The following RBM20 variants were observed in gnomAD, a reference collection of about 807,000 sequenced individuals.
RBM20 encodes RNA binding motif protein 20, also known as RNA-binding protein 20.
RBM20 carries 51 observed loss-of-function variants against 110.1 expected under a neutral mutation model. The observed-to-expected ratio is 0.46, with a 90% CI of 0.37 to 0.59. RBM20 has a LOEUF of 0.59. Among genes scored for constraint, RBM20 ranks in the 20% least tolerant of loss-of-function variants. The pLI, the probability that RBM20 is intolerant of heterozygous loss-of-function variation, is 0.00. For missense variants in RBM20, 1,512 were observed against 1,574.9 expected (o/e 0.96, Z 0.68); for synonymous variants, 589 against 618.2 (o/e 0.95, Z 0.70).
chr10:110,783,342 C>A, intron 2 of RBM20, 24 bp from the exon 3 acceptor site: 2 of 1,543,580 alleles, frequency 1.3e-6, no homozygotes, highest in South Asian at 2.4e-5. Flanking sequence ...CTACTTTGGT[C>A]ACTTTTCTTT....
intron 1 of RBM20, among the ~76,000 whole-genome samples, chr10:110,723,864 G>A (rs770852356): frequency 3.9e-5 from 6 of 152,128 alleles, no homozygotes; most frequent in Non-Finnish European, 7.3e-5. Context: ...GAATTATTGT[G>A]ATTTTCAGTT....
chr10:110,674,821 C>T (rs571229997), intron 1 of RBM20, among the ~76,000 whole-genome samples: 47 of 152,326 alleles, frequency 3.1e-4, no homozygotes, highest in African/African-American at 1.1e-3. Flanking sequence ...CTTCAGAATT[C>T]TCCCACCGGA....
At chr10:110,798,313 C>T (rs987392915) in intron 6 of RBM20, among the ~76,000 whole-genome samples, 3 of 152,112 alleles carry the variant, frequency 2.0e-5, no homozygotes, top group Admixed American at 6.5e-5. Flanking sequence ...CTTTATGAAT[C>T]GGAGGAACAG....
At chr10:110,835,771 C>A in intron 13 of RBM20, 97 bp from the exon 14 acceptor site, 1 of 1,259,564 alleles carries the variant, frequency 7.9e-7, no homozygotes, top group Non-Finnish European at 1.1e-6. Context: ...GGCACAGATG[C>A]CAGGAGAGGG....
intron 13 of RBM20, among the ~76,000 whole-genome samples, chr10:110,835,021 C>T (rs913181343): frequency 4.6e-5 from 7 of 152,214 alleles, no homozygotes; most frequent in Non-Finnish European, 7.3e-5. Flanking sequence ...AGGCTCCCCA[C>T]CCACTAGCCT....
At chr10:110,755,301 C>G (rs1564835964) in intron 1 of RBM20, among the ~76,000 whole-genome samples, 1 of 152,190 alleles carries the variant, frequency 6.6e-6, no homozygotes, top group Admixed American at 6.5e-5. Flanking sequence ...ATCCTTACCC[C>G]TTTGATGTCT....
chr10:110,657,075 G>T (rs1412851595), intron 1 of RBM20, among the ~76,000 whole-genome samples: 2 of 150,696 alleles, frequency 1.3e-5, no homozygotes, highest in African/African-American at 4.9e-5. Flanking sequence ...GGAGTGCATT[G>T]GCGTGATCTC....
chr10:110,708,100 A>G lies in RBM20; in HGVS notation c.191+63455A>G, dbSNP rs552005637. Reference sequence around the variant, plus strand: ...AAAGGTTGGATGAATGAGCATTGGCAGGGCTAGCTTCACTGGCAGGTGATC... The same window carrying G: ...AAAGGTTGGATGAATGAGCATTGGCGGGGCTAGCTTCACTGGCAGGTGATC... On this transcript the variant is annotated intron_variant, in intron 1 of 13. Transcript: ENST00000369519. Among the ~76,000 whole-genome samples, 122 of 152,358 alleles carry G rather than the reference A, an allele frequency of 8.0e-4. No homozygotes were observed. In the South Asian group the frequency reaches 9.9e-3, roughly 12 times the overall value.
chr10:110,745,389 A>G (rs1445609327), intron 1 of RBM20, among the ~76,000 whole-genome samples: 8 of 152,140 alleles, frequency 5.3e-5, no homozygotes, highest in Non-Finnish European at 1.0e-4. Flanking sequence ...GAGGGATGCC[A>G]GGGTGGTTCT....
chr10:110,776,507 C>G (rs896865666), intron 1 of RBM20, among the ~76,000 whole-genome samples: 1 of 152,160 alleles, frequency 6.6e-6, no homozygotes, highest in Non-Finnish European at 1.5e-5. Flanking sequence ...AAGAGGCTTC[C>G]TGCATTTCTT....
At chr10:110,687,530 C>T (rs1258534311) in intron 1 of RBM20, among the ~76,000 whole-genome samples, 1 of 152,216 alleles carries the variant, frequency 6.6e-6, no homozygotes. Flanking sequence ...CAAAAAATGT[C>T]TGGGTATTAA....
chr10:110,694,542 A>G (rs1481337519), intron 1 of RBM20, among the ~76,000 whole-genome samples: 2 of 152,226 alleles, frequency 1.3e-5, no homozygotes, highest in African/African-American at 2.4e-5. Flanking sequence ...AAGAAAATAT[A>G]GCAAAATGGG....
chr10:110,720,042 C>T (rs749764647), intron 1 of RBM20, among the ~76,000 whole-genome samples: 3 of 151,964 alleles, frequency 2.0e-5, no homozygotes, highest in Non-Finnish European at 2.9e-5. Flanking sequence ...GGTGAAGGAG[C>T]GCCCTGGCGG....
intron 1 of RBM20, among the ~76,000 whole-genome samples, chr10:110,691,051 C>A (rs986153402): frequency 1.3e-5 from 2 of 152,204 alleles, no homozygotes; most frequent in Non-Finnish European, 2.9e-5. Context: ...CTTTGGGAGG[C>A]TGTGGAGCCC....
In RBM20 at chr10:110,812,856, C is replaced by T; in HGVS notation, c.2459C>T (p.Ala820Val). The part of the protein sequence containing the change: ...KVTRAPEGAK[A>V]KQNEKNKTKR... ...ACTAGGGCCCCTGAGGGCGCCAAGGCCAAGCAGAATGAGAAAAATAAAACC... is the reference window on the plus strand; with the variant it reads ...ACTAGGGCCCCTGAGGGCGCCAAGGTCAAGCAGAATGAGAAAAATAAAACC... Residue 820 changes from alanine to valine, a missense_variant, in exon 9 of 14, where the codon GCC (alanine) becomes GTC (valine). Ala to Val is a moderately conservative substitution (Grantham distance 64). Around this residue, in one of 3 missense-constraint regions of RBM20, gnomAD observed 1,149 missense variants for 1,169.4 expected, o/e 0.98. Transcript: ENST00000369519. 6.7e-7 allele frequency: 1 copy of T among 1,496,502 alleles called. No homozygotes were observed. Among genetic ancestry groups the T allele is most frequent in the Non-Finnish European group, 8.9e-7 (1 of 1,124,340 alleles). 92.7% of individuals were successfully genotyped at this position (1,496,502 alleles called of 1,614,324 possible).
intron 1 of RBM20, among the ~76,000 whole-genome samples, chr10:110,758,577 G>A: frequency 6.6e-6 from 1 of 152,178 alleles, no homozygotes; most frequent in Non-Finnish European, 1.5e-5. Context: ...GCACTGGGAC[G>A]TGAGTTTGAG....
intron 9 of RBM20, among the ~76,000 whole-genome samples, chr10:110,816,518 G>A (rs2135112905): frequency 6.6e-6 from 1 of 151,726 alleles, no homozygotes; most frequent in Middle Eastern, 3.4e-3. Flanking sequence ...CACCGCTGCA[G>A]ACCACCTCAA....
rs140635682 is a variant in RBM20, at chr10:110,687,091, C to A, written c.191+42446C>A. 4.3e-3 allele frequency among the ~76,000 whole-genome samples: 656 copies of A among 151,460 alleles called. 4 individuals carry two copies. The highest frequency in any genetic ancestry group is 0.015 in the African/African-American group (610 of 41,286). On this transcript the variant is annotated intron_variant, in intron 1 of 13. Coordinates refer to ENST00000369519, the MANE Select transcript of RBM20 (RefSeq NM_001134363.3). ...TTGTGTTCCTTGTATAAGCACAGTG[C>A]TTTTCTAGTACTGTCCCAGTTCAGC...
At chr10:110,657,478 A>G (rs1862042331) in intron 1 of RBM20, among the ~76,000 whole-genome samples, 1 of 152,170 alleles carries the variant, frequency 6.6e-6, no homozygotes, top group Admixed American at 6.5e-5. Context: ...ACTCAAATCT[A>G]TCATCCATTT....
Sources: allele counts gnomAD v4.1 joint callset (sites outside exome capture counted in the v4.1 genomes callset), GRCh38; gene constraint gnomAD v4.1.1; regional missense constraint gnomAD v4.1.1; transcripts MANE v1.5; gene names NCBI Gene and HGNC (gene_info 2026-07-23, HGNC 2026-07-21).